Variants in FOXP1 observed in about 807,000 individuals in gnomAD.
FOXP1 encodes the protein forkhead box protein P1.
FOXP1 carries 15 observed loss-of-function variants against 98.2 expected under a neutral mutation model. The observed-to-expected ratio is 0.15, with a 90% confidence interval of 0.10 to 0.24. The LOEUF (loss-of-function observed/expected upper bound fraction) is 0.24. Among genes scored for constraint, FOXP1 ranks in the 10% least tolerant of loss-of-function variants. FOXP1 has a pLI of 1.00. For synonymous variants in FOXP1, 371 were observed against 314.5 expected (o/e 1.18, Z -1.90); for missense variants, 633 against 848.5 (o/e 0.75, Z 3.15).
At chr3:71,049,427 T>C (rs2049526407) in intron 9 of FOXP1, among the ~76,000 whole-genome samples, 1 of 152,160 alleles carries the variant, frequency 6.6e-6, no homozygotes, top group South Asian at 2.1e-4. Context: ...AATAGCTGTA[T>C]TGGGCCTACA....
chr3:71,144,823 C>T (rs1049422736), intron 6 of FOXP1, among the ~76,000 whole-genome samples: 11 of 152,288 alleles, frequency 7.2e-5, no homozygotes, highest in Non-Finnish European at 1.5e-4. Flanking sequence ...CTTGTGCCAA[C>T]CTGTTGTAAT....
intron 5 of FOXP1, among the ~76,000 whole-genome samples, chr3:71,286,246 G>T (rs955448375): frequency 6.6e-6 from 1 of 152,028 alleles, no homozygotes; most frequent in Non-Finnish European, 1.5e-5. Flanking sequence ...GTACTTCATT[G>T]ATTGGCCATT....
intron 2 of FOXP1, among the ~76,000 whole-genome samples, chr3:71,517,936 C>T (rs913441120): frequency 6.6e-6 from 1 of 152,166 alleles, no homozygotes; most frequent in Non-Finnish European, 1.5e-5. Flanking sequence ...GCTCTCCCCT[C>T]GAAATACATC....
At chr3:71,117,717 T>C (rs2058473492) in intron 6 of FOXP1, among the ~76,000 whole-genome samples, 1 of 152,176 alleles carries the variant, frequency 6.6e-6, no homozygotes, top group Non-Finnish European at 1.5e-5. Context: ...AAAGGTCCAA[T>C]CCCATCTCTG....
At chr3:71,153,161 G>C (rs989656630) in intron 6 of FOXP1, among the ~76,000 whole-genome samples, 2 of 152,112 alleles carry the variant, frequency 1.3e-5, no homozygotes, top group South Asian at 4.1e-4. Flanking sequence ...GCAATTGTGC[G>C]GCACTTGGTG....
intron 6 of FOXP1, among the ~76,000 whole-genome samples, chr3:71,130,030 A>G (rs1356157302): frequency 2.6e-5 from 4 of 152,268 alleles, no homozygotes; most frequent in Admixed American, 6.5e-5. Context: ...AATATTACCA[A>G]GACCGATTCA....
Position 71,452,335 on chromosome 3 carries a change from G to T in FOXP1, c.-168+41091C>A, listed in dbSNP as rs544669026. Among the ~76,000 whole-genome samples, 11 of 152,178 alleles carry T rather than the reference G, an allele frequency of 7.2e-5. No individual in the cohort carries two copies. In the East Asian group the frequency reaches 2.1e-3, roughly 29 times the overall value. On this transcript the variant is annotated intron_variant, in intron 3 of 20. Coordinates refer to ENST00000649528, the MANE Select transcript of FOXP1 (RefSeq NM_001349338.3). Reference sequence around the variant, plus strand: ...AAGTCAGCCCCCATGCCAAGAGGGGGAAATGGAAAGGTATTTATTCTGTTG... The same window carrying T: ...AAGTCAGCCCCCATGCCAAGAGGGGTAAATGGAAAGGTATTTATTCTGTTG...
chr3:71,114,732 A>G (rs1354065265), intron 6 of FOXP1, among the ~76,000 whole-genome samples: 1 of 152,162 alleles, frequency 6.6e-6, no homozygotes, highest in African/African-American at 2.4e-5. Context: ...CCTGCCTGGA[A>G]GAGCCTCGAG....
intron 2 of FOXP1, among the ~76,000 whole-genome samples, chr3:71,497,337 A>G (rs1433961644): frequency 6.6e-6 from 1 of 152,202 alleles, no homozygotes. Context: ...AAAAAGAAAC[A>G]ATTTCCAGGA....
At chr3:71,151,679 C>G (rs1333547862) in intron 6 of FOXP1, among the ~76,000 whole-genome samples, 1 of 68,572 alleles carries the variant, frequency 1.5e-5, no homozygotes. Context: ...TTTTTTTTTG[C>G]ACAAAGTTAA....
At chr3:71,414,171 C>T (rs2083014073) in intron 3 of FOXP1, among the ~76,000 whole-genome samples, 1 of 151,952 alleles carries the variant, frequency 6.6e-6, no homozygotes, top group African/African-American at 2.4e-5. Context: ...TTTTCAGATG[C>T]AGTTTTAAAA....
chr3:71,197,849 A>AT, intron 6 of FOXP1: 7 of 1,606,838 alleles, frequency 4.4e-6, no homozygotes, highest in Non-Finnish European at 6.0e-6. Context: ...TTTTCGTTTA[A>AT]TTTTTATTTT....
At chr3:71,490,343 C>T (rs564733506) in intron 3 of FOXP1, among the ~76,000 whole-genome samples, 3 of 152,116 alleles carry the variant, frequency 2.0e-5, no homozygotes, top group East Asian at 3.9e-4. Flanking sequence ...CTAAAAGATA[C>T]AAAAATTAGC....
intron 6 of FOXP1, among the ~76,000 whole-genome samples, chr3:71,188,303 C>T (rs2062765128): frequency 6.6e-6 from 1 of 152,178 alleles, no homozygotes; most frequent in Admixed American, 6.5e-5. Flanking sequence ...GACATCATGT[C>T]ACCTTCCCTT....
At chr3:71,331,700 C>G (rs1431557976) in intron 4 of FOXP1, among the ~76,000 whole-genome samples, 3 of 152,072 alleles carry the variant, frequency 2.0e-5, no homozygotes, top group African/African-American at 7.2e-5. Context: ...GTGACTGGAC[C>G]AATCGGCACT....
intron 6 of FOXP1, among the ~76,000 whole-genome samples, chr3:71,173,577 C>A (rs2061762035): frequency 6.6e-6 from 1 of 152,098 alleles, no homozygotes; most frequent in Admixed American, 6.5e-5. Flanking sequence ...GCTACACATT[C>A]CAGTTAGAAA....
At chr3:71,005,218 C>T (rs2042611181) in intron 12 of FOXP1, among the ~76,000 whole-genome samples, 1 of 146,358 alleles carries the variant, frequency 6.8e-6, no homozygotes, top group African/African-American at 2.5e-5. Context: ...CTGGCAGCAT[C>T]TCTTAGCCAG....
intron 6 of FOXP1, among the ~76,000 whole-genome samples, chr3:71,140,201 T>C (rs2060002657): frequency 6.6e-6 from 1 of 152,192 alleles, no homozygotes. Flanking sequence ...GTAAGATATC[T>C]TAGAGATGGG....
intron 3 of FOXP1, among the ~76,000 whole-genome samples, chr3:71,359,535 G>A (rs977319122): frequency 3.3e-5 from 5 of 152,088 alleles, no homozygotes; most frequent in South Asian, 2.1e-4. Context: ...TTTATCTTCC[G>A]TACCATAATT....
Sources: allele counts gnomAD v4.1 joint callset (sites outside exome capture counted in the v4.1 genomes callset), GRCh38; gene constraint gnomAD v4.1.1; transcripts MANE v1.5; gene names NCBI Gene and HGNC (gene_info 2026-07-23, HGNC 2026-07-21).